Variants in CACNA1C observed in about 807,000 individuals in gnomAD.
CACNA1C encodes calcium voltage-gated channel subunit alpha1 C.
A neutral mutation model predicts 229.0 loss-of-function variants in CACNA1C; 30 were observed. The ratio of observed to expected loss-of-function variants is 0.13; its 90% confidence interval spans 0.10 to 0.18. The LOEUF is 0.18. CACNA1C is among the 10% of genes least tolerant of loss of function. CACNA1C has a pLI of 1.00. For synonymous variants in CACNA1C, 1,114 were observed against 1,132.5 expected (o/e 0.98, Z 0.33); for missense variants, 1,658 against 2,845.0 (o/e 0.58, Z 9.49).
intron 11 of CACNA1C, among the ~76,000 whole-genome samples, chr12:2,558,188 A>G (rs1268657151): frequency 3.9e-5 from 6 of 152,040 alleles, no homozygotes; most frequent in African/African-American, 1.5e-4. Context: ...GCGGAGAGGG[A>G]CTTTGAGATC....
At chr12:2,156,016 A>T (rs1273911367) in intron 3 of CACNA1C, among the ~76,000 whole-genome samples, 1 of 152,208 alleles carries the variant, frequency 6.6e-6, no homozygotes, top group Non-Finnish European at 1.5e-5. Flanking sequence ...TGCAGCTTAG[A>T]CACAAGAACA....
chr12:2,676,688 G>A (rs1001142832), intron 39 of CACNA1C: 1 of 162,334 alleles, frequency 6.2e-6, no homozygotes, highest in Non-Finnish European at 1.3e-5. Flanking sequence ...GCCAGTTGAT[G>A]AGGGACATTT....
chr12:2,326,271 G>A (rs536231622), intron 3 of CACNA1C, among the ~76,000 whole-genome samples: 7 of 152,186 alleles, frequency 4.6e-5, no homozygotes, highest in African/African-American at 1.2e-4. Context: ...GAGGGAACGC[G>A]CTGATCTCAT....
chr12:2,283,510 A>T (rs1195357952), intron 3 of CACNA1C, among the ~76,000 whole-genome samples: 9 of 152,238 alleles, frequency 5.9e-5, no homozygotes. Context: ...TATTGCCACG[A>T]GCCAGTCTGT....
rs139253238 is a variant in CACNA1C at position 2,617,549 on chromosome 12, G to T, written c.3828+5536G>T. On this transcript the variant is annotated intron_variant, in intron 29 of 46. Transcript: ENST00000399655. ...GTCCTCGTATCCAGTGTGCCCATGT[G>T]GGGGCAGGGATCCTGTGGCTTCCAG... Among the ~76,000 whole-genome samples, 174 of 152,326 alleles carry T rather than the reference G, an allele frequency of 1.1e-3. 1 individual carries two copies. The highest frequency in any genetic ancestry group is 3.9e-3 in the African/African-American group (163 of 41,584).
At chr12:2,237,227 C>G (rs2159100) in intron 3 of CACNA1C, among the ~76,000 whole-genome samples, 1 of 151,956 alleles carries the variant, frequency 6.6e-6, no homozygotes, top group Non-Finnish European at 1.5e-5. Flanking sequence ...TAAAAATATA[C>G]GTTCAAGCAA....
intron 1 of CACNA1C, among the ~76,000 whole-genome samples, chr12:1,994,569 G>A (rs1328651880): frequency 2.0e-5 from 3 of 152,200 alleles, no homozygotes; most frequent in South Asian, 4.1e-4. Flanking sequence ...GAATGAAAAT[G>A]TACTCCCAAA....
At chr12:2,206,633 C>T (rs2097764849) in intron 3 of CACNA1C, among the ~76,000 whole-genome samples, 1 of 152,216 alleles carries the variant, frequency 6.6e-6, no homozygotes, top group African/African-American at 2.4e-5. Context: ...GTTCTTTGTT[C>T]CTTTTCTCTC....
At chr12:2,382,427 G>A (rs935696035) in intron 3 of CACNA1C, among the ~76,000 whole-genome samples, 8 of 152,038 alleles carry the variant, frequency 5.3e-5, no homozygotes, top group African/African-American at 1.9e-4. Context: ...GGCTTTATTT[G>A]CAATCCTTTA....
chr12:2,306,234 G>A (rs2095009612), intron 3 of CACNA1C, among the ~76,000 whole-genome samples: 1 of 152,236 alleles, frequency 6.6e-6, no homozygotes, highest in Non-Finnish European at 1.5e-5. Context: ...TGTGCAGATG[G>A]TTGTTTCTCA....
intron 5 of CACNA1C, among the ~76,000 whole-genome samples, chr12:2,485,297 C>T (rs1048262381): frequency 1.3e-5 from 2 of 152,140 alleles, no homozygotes; most frequent in African/African-American, 4.8e-5. Flanking sequence ...ACGTGACTTT[C>T]TCGGGGCTGG....
intron 9 of CACNA1C, among the ~76,000 whole-genome samples, chr12:2,533,273 C>T (rs2099845287): frequency 2.0e-5 from 3 of 152,216 alleles, no homozygotes; most frequent in East Asian, 3.9e-4. Flanking sequence ...AACCACTGCT[C>T]ACCAGTCTCC....
chr12:2,473,460 A>G (rs972694639), intron 5 of CACNA1C, among the ~76,000 whole-genome samples: 2 of 152,210 alleles, frequency 1.3e-5, no homozygotes, highest in Non-Finnish European at 2.9e-5. Flanking sequence ...ATATTAGATA[A>G]TATAATGTTA....
intron 1 of CACNA1C, among the ~76,000 whole-genome samples, chr12:2,072,291 C>T (rs868321921): frequency 2.9e-4 from 44 of 152,036 alleles, no homozygotes; most frequent in African/African-American, 9.9e-4. Context: ...CTCCACGTTC[C>T]GGGTTCAAGC....
intron 1 of CACNA1C, among the ~76,000 whole-genome samples, chr12:2,111,876 C>T (rs886973528): frequency 2.0e-5 from 3 of 152,132 alleles, no homozygotes; most frequent in South Asian, 4.2e-4. Flanking sequence ...AGAGGCGCCC[C>T]GAGGTTACTG....
intron 3 of CACNA1C, among the ~76,000 whole-genome samples, chr12:2,146,672 T>C (rs1347271012): frequency 1.3e-4 from 19 of 151,294 alleles, no homozygotes; most frequent in Non-Finnish European, 1.6e-4. Flanking sequence ...GCCTCAATTA[T>C]TGGTTTTCCC....
intron 5 of CACNA1C, among the ~76,000 whole-genome samples, chr12:2,470,943 G>A (rs893530526): frequency 2.6e-5 from 4 of 151,656 alleles, no homozygotes; most frequent in Non-Finnish European, 4.4e-5. Flanking sequence ...AATGATTCTC[G>A]TGCCTCATCT....
intron 3 of CACNA1C, among the ~76,000 whole-genome samples, chr12:2,277,288 T>C (rs1319761245): frequency 1.3e-5 from 2 of 151,846 alleles, no homozygotes; most frequent in African/African-American, 4.8e-5. Flanking sequence ...TAGCAACTCA[T>C]GTCCTGGAAA....
At chr12:2,372,625 C>CTTT (rs760672024) in intron 3 of CACNA1C, among the ~76,000 whole-genome samples, 16 of 147,188 alleles carry the variant, frequency 1.1e-4, no homozygotes, top group African/African-American at 4.0e-4. Context: ...TCCGCATTCC[C>CTTT]TTTTTTTTTT....
Sources: allele counts gnomAD v4.1 joint callset (sites outside exome capture counted in the v4.1 genomes callset), GRCh38; gene constraint gnomAD v4.1.1; transcripts MANE v1.5; gene names NCBI Gene and HGNC (gene_info 2026-07-23, HGNC 2026-07-21).